MAML2: variants seen among roughly 807,000 people sequenced by gnomAD.
MAML2 encodes mastermind-like protein 2.
Under a neutral mutation model 96.1 loss-of-function variants are expected in MAML2, and 22 were observed. That is an observed-to-expected ratio of 0.23 (90% CI 0.16 to 0.33). MAML2 has a LOEUF of 0.33. Among genes scored for constraint, MAML2 ranks in the 10% least tolerant of loss-of-function variants. The probability of loss-of-function intolerance (pLI) is 1.00; values close to 1 mark genes in which losing one functional copy is unlikely to be tolerated. For missense variants in MAML2, 1,367 were observed against 1,392.4 expected, an observed-to-expected ratio of 0.98 and a Z score of 0.29; for synonymous variants, 561 against 521.3, an observed-to-expected ratio of 1.08 and a Z score of -1.04.
At chr11:96,171,294 T>A (rs560996535) in intron 1 of MAML2, among the ~76,000 whole-genome samples, 5 of 152,312 alleles carry the variant, frequency 3.3e-5, no homozygotes, top group African/African-American at 1.2e-4. Context: ...CCTTATTGCA[T>A]ATGTGTTATA....
At chr11:96,285,316 C>A (rs146378296) in intron 1 of MAML2, among the ~76,000 whole-genome samples, 1 of 152,156 alleles carries the variant, frequency 6.6e-6, no homozygotes, top group Admixed American at 6.5e-5. Context: ...TTCAAACTTA[C>A]ACAAAAAGTA....
chr11:96,105,655 A>C (rs1860010052), intron 1 of MAML2, among the ~76,000 whole-genome samples: 1 of 152,288 alleles, frequency 6.6e-6, no homozygotes, highest in South Asian at 2.1e-4. Context: ...TCTTATAGCA[A>C]CTGTATCTAG....
At chr11:96,052,263 A>G (rs1859000593) in intron 2 of MAML2, among the ~76,000 whole-genome samples, 1 of 152,180 alleles carries the variant, frequency 6.6e-6, no homozygotes, top group Non-Finnish European at 1.5e-5. Context: ...CAATATCCAT[A>G]TGATACATTT....
Position 96,147,767 on chromosome 11 carries a change from A to G in MAML2, c.514-54250T>C, listed in dbSNP as rs183956745. 3.2e-3 allele frequency among the ~76,000 whole-genome samples: 480 copies of G among 152,354 alleles called. 2 individuals are homozygous for G. The highest frequency in any genetic ancestry group is 0.01 in the Middle Eastern group (3 of 294). On this transcript the variant is annotated intron_variant, in intron 1 of 4. Coordinates refer to ENST00000524717, the MANE Select transcript of MAML2 (RefSeq NM_032427.4). The stretch of plus-strand genomic sequence containing the variant: ...GAATTTAGAGATGATGTAGTTTTTT[A>G]CACTCCAGTATGATTTCCGAATCTA...
At chr11:96,074,989 A>G (rs1171494074) in intron 2 of MAML2, among the ~76,000 whole-genome samples, 2 of 152,228 alleles carry the variant, frequency 1.3e-5, no homozygotes, top group Non-Finnish European at 2.9e-5. Context: ...TGGCAAAAGG[A>G]GTAGGCAACA....
chr11:96,253,276 G>A (rs1862611993), intron 1 of MAML2, among the ~76,000 whole-genome samples: 1 of 152,172 alleles, frequency 6.6e-6, no homozygotes. Context: ...CTCTAGTAGA[G>A]GAAAATCAAT....
At chr11:96,104,355 T>C (rs1591015626) in intron 1 of MAML2, among the ~76,000 whole-genome samples, 1 of 152,228 alleles carries the variant, frequency 6.6e-6, no homozygotes, top group African/African-American at 2.4e-5. Context: ...GATGGTGGCA[T>C]GATGATAAAT....
intron 1 of MAML2, among the ~76,000 whole-genome samples, chr11:96,314,516 TTGG>T (rs372267637): frequency 5.3e-5 from 8 of 152,226 alleles, no homozygotes; most frequent in African/African-American, 1.9e-4. Context: ...TTCCTGTGGG[TTGG>T]TGACCAGTGC....
chr11:96,037,208 A>C (rs969849677), intron 2 of MAML2, among the ~76,000 whole-genome samples: 9 of 152,166 alleles, frequency 5.9e-5, no homozygotes, highest in South Asian at 4.1e-4. Flanking sequence ...ACAACAACAA[A>C]AAAAATAACT....
chr11:96,052,567 A>C (rs1859004458), intron 2 of MAML2, among the ~76,000 whole-genome samples: 1 of 152,124 alleles, frequency 6.6e-6, no homozygotes, highest in Non-Finnish European at 1.5e-5. Context: ...AGTTCCAAAC[A>C]CTTCTCAGGA....
At chr11:96,325,205 G>A (rs1366897893) in intron 1 of MAML2, among the ~76,000 whole-genome samples, 3 of 151,968 alleles carry the variant, frequency 2.0e-5, no homozygotes, top group Non-Finnish European at 4.4e-5. Flanking sequence ...TTATACATTT[G>A]GGGTTTAGCT....
At chr11:96,053,513 A>T (rs1858486465) in intron 2 of MAML2, among the ~76,000 whole-genome samples, 1 of 152,188 alleles carries the variant, frequency 6.6e-6, no homozygotes, top group Non-Finnish European at 1.5e-5. Flanking sequence ...TATCCTGCCA[A>T]GAGGGGAGAG....
At chr11:96,217,764 T>C (rs1239739702) in intron 1 of MAML2, among the ~76,000 whole-genome samples, 2 of 152,274 alleles carry the variant, frequency 1.3e-5, no homozygotes, top group African/African-American at 4.8e-5. Flanking sequence ...TATTAGATTT[T>C]ACTATGTAGC....
chr11:96,294,888 C>T (rs1863269644), intron 1 of MAML2, among the ~76,000 whole-genome samples: 2 of 152,160 alleles, frequency 1.3e-5, no homozygotes, highest in Non-Finnish European at 2.9e-5. Flanking sequence ...GGGACCCAGG[C>T]TGTCTGATTC....
At chr11:96,225,712 A>G (rs1195335513) in intron 1 of MAML2, among the ~76,000 whole-genome samples, 2 of 152,100 alleles carry the variant, frequency 1.3e-5, no homozygotes, top group African/African-American at 4.8e-5. Flanking sequence ...GGATACCTGT[A>G]GTCCCAGCTA....
intron 3 of MAML2, among the ~76,000 whole-genome samples, 161 bp downstream of exon 3, chr11:95,991,359 T>C (rs1857908341): frequency 1.3e-5 from 2 of 148,494 alleles, no homozygotes; most frequent in South Asian, 4.3e-4. Context: ...GGTTTTTTTT[T>C]CTTCCTGCAG....
At chr11:96,066,273 C>T (rs138412320) in intron 2 of MAML2, among the ~76,000 whole-genome samples, 19 of 152,180 alleles carry the variant, frequency 1.2e-4, no homozygotes, top group Non-Finnish European at 2.2e-4. Context: ...ATAGTGTCAT[C>T]GTGTTAAATG....
chr11:96,117,270 T>A (rs941622557), intron 1 of MAML2, among the ~76,000 whole-genome samples: 4 of 151,234 alleles, frequency 2.6e-5, no homozygotes, highest in Admixed American at 2.0e-4. Flanking sequence ...ATACCCAGTA[T>A]CTGTCATGCT....
At chr11:96,089,767 A>C (rs901571670) in intron 2 of MAML2, among the ~76,000 whole-genome samples, 1 of 152,004 alleles carries the variant, frequency 6.6e-6, no homozygotes, top group Non-Finnish European at 1.5e-5. Flanking sequence ...TAAAGCTGGG[A>C]TAAAGCTTTA....
Sources: gnomAD v4.1 joint callset for allele counts (sites outside exome capture counted in the v4.1 genomes callset) on GRCh38, gnomAD v4.1.1 for gene constraint, MANE v1.5 for transcripts, NCBI Gene and HGNC (gene_info 2026-07-23, HGNC 2026-07-21) for gene names.